Variants in APC2 observed in about 807,000 individuals in gnomAD.
APC2 encodes adenomatous polyposis coli protein 2.
In APC2, 41 loss-of-function variants were observed where a neutral mutation model predicts 72.5. The observed-to-expected ratio is 0.57, with a 90% confidence interval of 0.44 to 0.73. APC2 has a LOEUF of 0.73. Ranked by LOEUF, APC2 falls within the 30% of genes least tolerant of loss-of-function variation. APC2 has a pLI of 0.00. For missense variants in APC2, 3,729 were observed against 3,403.4 expected (o/e 1.10, Z -2.38); for synonymous variants, 1,898 against 1,612.0 (o/e 1.18, Z -4.25).
At position 1,452,862 on chromosome 19, in the gene APC2, G is replaced by A. The variant is rs2083760306; in HGVS notation, c.-18-122G>A. The A allele has an allele frequency of 1.6e-6, 2 of 1,245,202 alleles. No individual in the cohort carries two copies. The highest frequency in any genetic ancestry group is 2.2e-6 in the Non-Finnish European group (2 of 919,224). 77.1% of individuals were successfully genotyped at this position (1,245,202 alleles called of 1,614,324 possible). On this transcript the variant is annotated intron_variant, in intron 1 of 14. Coordinates refer to ENST00000590469, the MANE Select transcript of APC2 (RefSeq NM_005883.3). This position sits in a 1 kb window ranked among gnomAD's most constrained non-coding sequence, Gnocchi z 5.1. ...GTCCACACCAGTGACTCCTGCCTGA[G>A]ACCCCCCCCAACCCAGGATCAGGCA...
Position 1,455,272 on chromosome 19 carries a change from G to A in APC2, c.522+15G>A, listed in dbSNP as rs748917200. The A allele has an allele frequency of 1.3e-6, 2 of 1,565,712 alleles. No individual in the cohort carries two copies. Among genetic ancestry groups the A allele is most frequent in the South Asian group, 1.2e-5 (1 of 85,544 alleles). On this transcript the variant is annotated intron_variant, in intron 5 of 14. Coordinates refer to ENST00000590469, the MANE Select transcript of APC2 (RefSeq NM_005883.3). Reference sequence around the variant, plus strand: ...ACGTGGAGACGGTGAGCCGGCCGGGGAGCCAGGGGGCAGCGCGCCCGCCCC... The same window carrying A: ...ACGTGGAGACGGTGAGCCGGCCGGGAAGCCAGGGGGCAGCGCGCCCGCCCC...
chr19:1,446,679 C>A (rs1569130521), upstream of APC2, among the ~76,000 whole-genome samples: 1 of 151,994 alleles, frequency 6.6e-6, no homozygotes, highest in Non-Finnish European at 1.5e-5. The surrounding 1 kb of genome is among the most constrained non-coding windows in gnomAD (Gnocchi z 6.1). Context: ...CCAGCTGGGG[C>A]GGCGGGGGCG....
rs2084018904 is a variant in APC2, at chr19:1,466,541, C to A, written c.3240C>A (p.Gly1080=). Residue 1080 remains glycine, a synonymous_variant, in exon 15 of 15, where the codon GGC becomes GGA. Transcript: ENST00000590469. ...CSSLSSLSSA[G]RPGPSEGGDL... ...CCCTTTCCTCGCTGTCCTCGGCCGG[C>A]CGCCCAGGCCCCAGCGAGGGTGGTG... 1.3e-6 allele frequency: 2 copies of A among 1,584,730 alleles called. No individual in the cohort carries two copies. The highest frequency in any genetic ancestry group is 1.7e-5 in the Admixed American group (1 of 58,106).
intron 12 of APC2, 40 bp downstream of exon 12, chr19:1,460,897 C>T (rs1418665158): frequency 3.1e-6 from 5 of 1,609,636 alleles, no homozygotes; most frequent in Middle Eastern, 1.6e-4. Context: ...CAGGGTGTCC[C>T]TGATAGGCAG....
At position 1,467,411 on chromosome 19, in the gene APC2, C is replaced by G. The variant is rs944714635; in HGVS notation, c.4110C>G (p.Pro1370=). ...SALVPGRRAL[P]VPVYMLVPAP... is the part of the protein sequence containing the mutation. ...TGGTGCCAGGTCGCCGCGCACTCCC[C>G]GTGCCCGTCTACATGTTGGTGCCCG... The change falls in exon 15 of 15, where the codon CCC becomes CCG. Residue 1370 remains proline, a synonymous_variant. Transcript: ENST00000590469. The G allele has an allele frequency of 1.3e-6, 2 of 1,491,362 alleles. No homozygotes were observed. Among genetic ancestry groups the G allele is most frequent in the Non-Finnish European group, 1.8e-6 (2 of 1,126,386 alleles). The allele number at this position is 1,491,362 out of a possible 1,614,324, so 92.4% of individuals were successfully genotyped here. A position where few individuals can be genotyped will look rare whatever the true frequency, so the allele number is the denominator to read the frequency against.
rs1316116340 is a variant in APC2 at position 1,455,381 on chromosome 19, C to G, written c.523-3C>G. 1.2e-6 allele frequency: 2 copies of G among 1,608,026 alleles called. No homozygotes were observed. Among genetic ancestry groups the G allele is most frequent in the Non-Finnish European group, 1.7e-6 (2 of 1,177,798 alleles). On this transcript the variant is annotated splice_region_variant and splice_polypyrimidine_tract_variant and intron_variant, in intron 5 of 14. Coordinates refer to ENST00000590469, the MANE Select transcript of APC2 (RefSeq NM_005883.3). ...CCGTGGCCCGCCCGCCTGCCTTTGC[C>G]AGCAGTTCTCGATGCAGATGGACCT...
rs753567923 is a variant in APC2, at chr19:1,469,934, C to T, written c.6633C>T (p.Thr2211=). 17 of 1,515,740 alleles carry T rather than the reference C, an allele frequency of 1.1e-5. No individual in the cohort carries two copies. In the South Asian group the frequency reaches 2.1e-4, roughly 18 times the overall value. The allele number at this position is 1,515,740 out of a possible 1,614,324, so 93.9% of individuals were successfully genotyped here. A position where few individuals can be genotyped will look rare whatever the true frequency, so the allele number is the denominator to read the frequency against. ...TNSSTSPSLE[T]REPPGAPAGG... ...CCAGCACGTCCCCGAGCCTGGAGACCAGGGAGCCCCCCGGGGCCCCCGCCG... is the reference window on the plus strand; with the variant it reads ...CCAGCACGTCCCCGAGCCTGGAGACTAGGGAGCCCCCCGGGGCCCCCGCCG... The change falls in exon 15 of 15, where the codon ACC becomes ACT. Residue 2211 remains threonine, a synonymous_variant. Transcript: ENST00000590469.
chr19:1,456,083 C>G lies in APC2; in HGVS notation c.647C>G (p.Ala216Gly), dbSNP rs2071502185. ...TCGTGTGGTCCTGAGCAGATCCGCG[C>G]CTCGCGCCTGGAGCAGATTGACAAG... Reference protein sequence around the residue: ...DEMVQRAQIRASRLEQIDKEL... With the variant: ...DEMVQRAQIRGSRLEQIDKEL... The change falls in exon 7 of 15, where the codon GCC (alanine) becomes GGC (glycine). Residue 216 changes from alanine to glycine, a missense_variant. Ala to Gly is a moderately conservative substitution (Grantham distance 60, BLOSUM62 0). Transcript: ENST00000590469. The G allele has an allele frequency of 6.3e-7, 1 of 1,576,022 alleles. No individual in the cohort carries two copies. The highest frequency in any genetic ancestry group is 1.2e-5 in the South Asian group (1 of 86,516).
rs368382879 is a variant in APC2 at position 1,453,395 on chromosome 19, G to A, written c.233-36G>A. ...GGGAGGCTGGGGGGAAAGGCAGGCA[G>A]GGCCGCTGACCTCCGCCCTGTCCCC... On this transcript the variant is annotated intron_variant, in intron 3 of 14. Transcript: ENST00000590469. 231 of 1,610,186 alleles carry A rather than the reference G, an allele frequency of 1.4e-4. 3 individuals carry two copies. In the South Asian group the frequency reaches 2.3e-3, roughly 16 times the overall value.
rs532037814 is a variant in APC2, at chr19:1,465,296, C to T, written c.1995C>T (p.Asp665=). The T allele has an allele frequency of 6.2e-7, 1 of 1,601,114 alleles. No individual in the cohort carries two copies. The part of the protein sequence containing the change: ...RSARDQELLW[D]LGAVGMLRNL... ...CCCGTGACCAGGAGCTGCTGTGGGA[C>T]CTGGGCGCCGTGGGCATGCTGCGTA... Residue 665 remains aspartate (D), a synonymous_variant, in exon 15 of 15, where the codon GAC becomes GAT. Coordinates refer to ENST00000590469, the MANE Select transcript of APC2 (RefSeq NM_005883.3).
At chr19:1,448,934 G>C (rs1161791208), upstream of APC2, among the ~76,000 whole-genome samples, 1 of 152,232 alleles carries the variant, frequency 6.6e-6, no homozygotes, top group Non-Finnish European at 1.5e-5. Context: ...CAACCAGTGG[G>C]GACAGCTGCG....
rs1217630408 is a variant in APC2, at chr19:1,465,527, G to T, written c.2226G>T (p.Leu742=). ...ARHLAQALEH[L]EKQGPPAAEA... ...ACCTCGCGCAGGCGCTGGAGCACCT[G>T]GAGAAGCAGGGCCCGCCGGCAGCCG... The change falls in exon 15 of 15, where the codon CTG becomes CTT. Residue 742 remains leucine (L), a synonymous_variant. Transcript: ENST00000590469. 2 of 1,528,108 alleles carry T rather than the reference G, an allele frequency of 1.3e-6. No individual in the cohort carries two copies. The highest frequency in any genetic ancestry group is 4.1e-5 in the Admixed American group (2 of 48,566). 94.7% of individuals were successfully genotyped at this position (1,528,108 alleles called of 1,614,324 possible). A position where few individuals can be genotyped will look rare whatever the true frequency, so the allele number is the denominator to read the frequency against.
Position 1,468,526 on chromosome 19 carries a change from A to C in APC2, c.5225A>C (p.Glu1742Ala). The C allele has an allele frequency of 6.2e-7, 1 of 1,602,482 alleles. No homozygotes were observed. Among genetic ancestry groups the C allele is most frequent in the Non-Finnish European group, 8.5e-7 (1 of 1,173,774 alleles). ...AAGCACAGGAAGGGACGACAGGCGG[A>C]GGGAGAAATGGGCAGTGCCCGGCGG... ...PPKHRKGRQA[E>A]GEMGSARRPE... is the part of the protein sequence containing the mutation. Residue 1742 changes from glutamate (E) to alanine (A), a missense_variant, in exon 15 of 15, where the codon GAG becomes GCG. Physicochemically the swap from Glu to Ala is moderately radical, Grantham distance 107. Transcript: ENST00000590469.
intron 9 of APC2, 70 bp from the exon 10 acceptor site, chr19:1,457,895 C>CGGGGGGGGGGGGTGTGGGGGGGGGGGG (rs71174372): frequency 9.4e-7 from 1 of 1,067,862 alleles, no homozygotes; most frequent in Non-Finnish European, 1.2e-6. Flanking sequence ...GGGCGGGTTG[C>CGGGGGGGGGGGGTGTGGGGGGGGGGGG]GGGACCTTCG....
In APC2 at chr19:1,467,350, C is replaced by T; in HGVS notation, c.4049C>T (p.Ala1350Val). The T allele has an allele frequency of 6.9e-7, 1 of 1,456,812 alleles. No homozygotes were observed. Among genetic ancestry groups the T allele is most frequent in the South Asian group, 1.3e-5 (1 of 74,700 alleles). The allele number at this position is 1,456,812 out of a possible 1,614,324, so 90.2% of individuals were successfully genotyped here. Reference protein sequence around the residue: ...LELLRECLGAAVPARLRKVAS... With the variant: ...LELLRECLGAVVPARLRKVAS... ...CTGCTGCGGGAGTGCCTGGGAGCCGCCGTGCCTGCCCGGCTGCGCAAGGTG... is the reference window on the plus strand; with the variant it reads ...CTGCTGCGGGAGTGCCTGGGAGCCGTCGTGCCTGCCCGGCTGCGCAAGGTG... Residue 1350 changes from alanine (A) to valine (V), a missense_variant, in exon 15 of 15, where the codon GCC (alanine) becomes GTC (valine). Ala to Val is a moderately conservative substitution (Grantham distance 64). Transcript: ENST00000590469.
chr19:1,449,619 C>G (rs1184060839), upstream of APC2, among the ~76,000 whole-genome samples: 1 of 152,086 alleles, frequency 6.6e-6, no homozygotes, highest in Non-Finnish European at 1.5e-5. Context: ...CAGGTGCTCC[C>G]CAGTGGCCCT....
In APC2 at chr19:1,466,209, G is replaced by C; in HGVS notation, c.2908G>C (p.Asp970His). The change falls in exon 15 of 15, where the codon GAC becomes CAC. Residue 970 changes from aspartate to histidine, a missense_variant. Transcript: ENST00000590469. ...GCCTCGGCCCAGCCGGCTTGACCTT[G>C]ACCTGCCCGGCTGCCAGGCCGAGCC... The part of the protein sequence containing the change: ...GQPRPSRLDL[D>H]LPGCQAEPPA... The C allele has an allele frequency of 6.4e-7, 1 of 1,555,826 alleles. No homozygotes were observed. The highest frequency in any genetic ancestry group is 8.6e-7 in the Non-Finnish European group (1 of 1,159,598).
At chr19:1,461,901 G>C (rs1042529454) in intron 13 of APC2, 62 bp from the exon 14 acceptor site, 1 of 1,390,756 alleles carries the variant, frequency 7.2e-7, no homozygotes, top group Non-Finnish European at 9.9e-7. Flanking sequence ...GAATGTGAGC[G>C]TGGGAGCCTT....
In APC2 at chr19:1,468,026, C is replaced by T. The variant is rs762938693; in HGVS notation, c.4725C>T (p.Pro1575=). 1 of 1,584,406 alleles carries T rather than the reference C, an allele frequency of 6.3e-7. No individual in the cohort carries two copies. The highest frequency in any genetic ancestry group is 8.5e-7 in the Non-Finnish European group (1 of 1,174,296). ...QPSLIADETP[P]CYSLSSSASS... ...GCCTCATTGCTGACGAGACCCCGCC[C>T]TGCTACTCCCTGAGCTCCTCCGCCA... Residue 1575 remains proline, a synonymous_variant, in exon 15 of 15, where the codon CCC becomes CCT. Transcript: ENST00000590469.
Sources: gnomAD v4.1 joint callset for allele counts (sites outside exome capture counted in the v4.1 genomes callset) on GRCh38, gnomAD v4.1.1 for gene constraint, Gnocchi (gnomAD v3.1) non-coding constraint, MANE v1.5 for transcripts, NCBI Gene and HGNC (gene_info 2026-07-23, HGNC 2026-07-21) for gene names.